Variants in VSIG10 observed in about 807,000 individuals in gnomAD.
VSIG10 encodes the protein V-set and immunoglobulin domain-containing protein 10.
VSIG10 carries 48 observed loss-of-function variants against 58.7 expected under a neutral mutation model. That is an observed-to-expected ratio of 0.82 (90% CI 0.65 to 1.04). VSIG10 has a LOEUF of 1.04. Ranked by LOEUF, VSIG10 falls within the 50% of genes least tolerant of loss-of-function variation. The probability of loss-of-function intolerance (pLI) is 0.00; values close to 1 mark genes in which losing one functional copy is unlikely to be tolerated. For synonymous variants in VSIG10, 260 were observed against 267.1 expected (o/e 0.97, Z 0.26); for missense variants, 628 against 670.0 (o/e 0.94, Z 0.69).
In VSIG10 at chr12:118,095,785, G is replaced by A. The variant is rs373107826; in HGVS notation, c.109C>T (p.His37Tyr). The A allele has an allele frequency of 5.1e-5, 83 of 1,611,680 alleles. No individual in the cohort carries two copies. The Middle Eastern group carries it at 8.3e-4, about 16-fold the overall frequency. ...CCACAGTGCAGAGTAACATTCTCAT[G>A]AACTTCTCCAATGACAACAGCCTCC... ...GLEAVVIGEVHENVTLHCGNI... is the reference protein window; with the variant it reads ...GLEAVVIGEVYENVTLHCGNI... Residue 37 changes from histidine to tyrosine, a missense_variant, in exon 2 of 9, where the codon CAT becomes TAT. Transcript: ENST00000359236.
chr12:118,096,020 G>A (rs933528326), intron 1 of VSIG10, among the ~76,000 whole-genome samples: 2 of 150,594 alleles, frequency 1.3e-5, no homozygotes, highest in Non-Finnish European at 3.0e-5. Context: ...CTGCCTCCCG[G>A]GTTCAAGCTA....
At chr12:118,075,350 TTC>T (rs1254786774) in intron 4 of VSIG10, among the ~76,000 whole-genome samples, 2 of 151,782 alleles carry the variant, frequency 1.3e-5, no homozygotes, top group Non-Finnish European at 2.9e-5. Context: ...CTCCAGAAAT[TTC>T]TTTTTTTCTT....
intron 4 of VSIG10, among the ~76,000 whole-genome samples, chr12:118,075,148 A>T (rs1056653101): frequency 8.6e-6 from 1 of 115,702 alleles, no homozygotes; most frequent in Non-Finnish European, 1.7e-5. Flanking sequence ...ATATATGTGT[A>T]TATGTATATA....
At position 118,071,367 on chromosome 12, in the gene VSIG10, C is replaced by T. The variant is rs750393978; in HGVS notation, c.1322G>A (p.Cys441Tyr). The T allele has an allele frequency of 6.2e-7, 1 of 1,613,770 alleles. No individual in the cohort carries two copies. The highest frequency in any genetic ancestry group is 8.5e-7 in the Non-Finnish European group (1 of 1,179,762). ...GLLLHYSPVFCWKVGNTSRGQ... is the reference protein window; with the variant it reads ...GLLLHYSPVFYWKVGNTSRGQ... ...ACCCAGGGAGTCCTTACCTTTCCAG[C>T]AGAACACAGGGCTATAATGCAACAG... The change falls in exon 6 of 9, where the codon TGC (cysteine) becomes TAC (tyrosine). Residue 441 changes from cysteine to tyrosine, a missense_variant. By Grantham distance (194) the Cys-to-Tyr change is radical. Coordinates refer to ENST00000359236, the MANE Select transcript of VSIG10 (RefSeq NM_019086.6).
Position 118,068,423 on chromosome 12 carries a change from C to T in VSIG10, c.1521G>A (p.Val507=). The T allele has an allele frequency of 1.2e-6, 2 of 1,613,838 alleles. No individual in the cohort carries two copies. Among genetic ancestry groups the T allele is most frequent in the Non-Finnish European group, 1.7e-6 (2 of 1,179,872 alleles). The change falls in exon 8 of 9, where the codon GTG becomes GTA. Residue 507 remains valine, a synonymous_variant. Coordinates refer to ENST00000359236, the MANE Select transcript of VSIG10 (RefSeq NM_019086.6). ...QDHIHRVTAL[V]NGNIEQMGNG... is the part of the protein sequence containing the mutation. ...TTCCCATCTGTTCTATGTTCCCATTCACCAAGGCGGTCACTCTGTGAATGT... is the reference window on the plus strand; with the variant it reads ...TTCCCATCTGTTCTATGTTCCCATTTACCAAGGCGGTCACTCTGTGAATGT...
At position 118,064,597 on chromosome 12, in the gene VSIG10, A is replaced by G. The variant is rs11550987; in HGVS notation, c.*2042T>C. The G allele has an allele frequency of 6.6e-6, 1 of 152,194 alleles. No individual in the cohort carries two copies. Among genetic ancestry groups the G allele is most frequent in the South Asian group, 2.1e-4 (1 of 4,834 alleles). The allele number at this position is 152,194 out of a possible 1,614,324, so 9.4% of individuals were successfully genotyped here. ...ACTTTAGAAGCAAGCTGAGTATCTC[A>G]TTCTAAAATGACACTGATTTACACT... On this transcript the variant is annotated 3_prime_UTR_variant, in exon 9 of 9. Transcript: ENST00000359236.
chr12:118,100,922 G>C (rs2033608195), intron 1 of VSIG10, among the ~76,000 whole-genome samples: 2 of 152,236 alleles, frequency 1.3e-5, no homozygotes, highest in South Asian at 4.1e-4. Context: ...AGTTACAGAT[G>C]CAACATGTGT....
intron 1 of VSIG10, among the ~76,000 whole-genome samples, chr12:118,097,285 G>C (rs1367152880): frequency 6.6e-6 from 1 of 152,154 alleles, no homozygotes; most frequent in African/African-American, 2.4e-5. Context: ...AGTCTTTAAA[G>C]TGTTTGTCTA....
chr12:118,090,911 G>A (rs545302134), intron 2 of VSIG10, among the ~76,000 whole-genome samples: 26 of 152,224 alleles, frequency 1.7e-4, no homozygotes, highest in Non-Finnish European at 2.6e-4. Flanking sequence ...AAGGCGGGTG[G>A]ATCACTTGTG....
chr12:118,088,150 CAGG>C (rs1009984607), intron 2 of VSIG10, among the ~76,000 whole-genome samples: 26 of 148,498 alleles, frequency 1.8e-4, no homozygotes, highest in Non-Finnish European at 7.4e-5. Context: ...GAACCTAAGG[CAGG>C]AGAATCACCT....
Position 118,071,373 on chromosome 12 carries a change from A to G in VSIG10, c.1316T>C (p.Val439Ala), listed in dbSNP as rs185041497. 18 of 1,613,844 alleles carry G rather than the reference A, an allele frequency of 1.1e-5. No individual in the cohort carries two copies. In the East Asian group the frequency reaches 3.6e-4, roughly 32 times the overall value. The change falls in exon 6 of 9, where the codon GTG becomes GCG. Residue 439 changes from valine to alanine, a missense_variant. Val to Ala is a moderately conservative substitution (Grantham distance 64, BLOSUM62 0). Coordinates refer to ENST00000359236, the MANE Select transcript of VSIG10 (RefSeq NM_019086.6). ...ISGLLLHYSP[V>A]FCWKVGNTSR... ...GGAGTCCTTACCTTTCCAGCAGAACACAGGGCTATAATGCAACAGAAGCCC... is the reference window on the plus strand; with the variant it reads ...GGAGTCCTTACCTTTCCAGCAGAACGCAGGGCTATAATGCAACAGAAGCCC...
At chr12:118,095,198 C>T (rs374694908) in intron 2 of VSIG10, among the ~76,000 whole-genome samples, 3 of 152,240 alleles carry the variant, frequency 2.0e-5, no homozygotes, top group African/African-American at 4.8e-5. Context: ...CCACCGCACC[C>T]GGCCGGCATT....
At position 118,082,378 on chromosome 12, in the gene VSIG10, T is replaced by G. The variant is rs369510432; in HGVS notation, c.413A>C (p.Asn138Thr). Residue 138 changes from asparagine (N) to threonine (T), a missense_variant, in exon 3 of 9, where the codon AAC (asparagine) becomes ACC (threonine). Coordinates refer to ENST00000359236, the MANE Select transcript of VSIG10 (RefSeq NM_019086.6). ...VHIVATGTLP[N>T]GTLYAARGSQ... ...GCCCCTGGCTGCGTAGAGGGTGCCG[T>G]TGGGGAGTGTGCCGGTGGCCACGAT... 10 of 1,613,552 alleles carry G rather than the reference T, an allele frequency of 6.2e-6. No individual in the cohort carries two copies. The highest frequency in any genetic ancestry group is 7.6e-6 in the Non-Finnish European group (9 of 1,179,734).
intron 7 of VSIG10, 107 bp from the exon 8 acceptor site, chr12:118,068,704 G>T: frequency 7.5e-7 from 1 of 1,331,600 alleles, no homozygotes; most frequent in Non-Finnish European, 1.0e-6. Flanking sequence ...TTAGTAATAT[G>T]GAAAATTACA....
chr12:118,072,101 G>A (rs1164301512), intron 5 of VSIG10, among the ~76,000 whole-genome samples: 5 of 152,018 alleles, frequency 3.3e-5, no homozygotes, highest in South Asian at 4.1e-4. Flanking sequence ...CCCGGGAGGC[G>A]GGGGTTGCGG....
rs772471005 is a variant in VSIG10 at position 118,079,633 on chromosome 12, G to A, written c.665-27C>T. 1.9e-5 allele frequency: 31 copies of A among 1,611,550 alleles called. No homozygotes were observed. The South Asian group carries it at 3.1e-4, about 16-fold the overall frequency. Reference sequence around the variant, plus strand: ...TGCAAAACACCAGAGGAAAGCATGGGCTGAATCACAGACTCTAGGATCAGC... The same window carrying A: ...TGCAAAACACCAGAGGAAAGCATGGACTGAATCACAGACTCTAGGATCAGC... On this transcript the variant is annotated intron_variant, in intron 3 of 8. Coordinates refer to ENST00000359236, the MANE Select transcript of VSIG10 (RefSeq NM_019086.6).
At chr12:118,098,017 G>C (rs188662465) in intron 1 of VSIG10, among the ~76,000 whole-genome samples, 2 of 152,220 alleles carry the variant, frequency 1.3e-5, no homozygotes, top group East Asian at 1.9e-4. Context: ...GCTAGTCATC[G>C]ATCCCCAGGC....
Position 118,063,774 on chromosome 12 carries a change from T to G in VSIG10, c.*2865A>C, listed in dbSNP as rs1482161535. On this transcript the variant is annotated 3_prime_UTR_variant, in exon 9 of 9. Coordinates refer to ENST00000359236, the MANE Select transcript of VSIG10 (RefSeq NM_019086.6). ...CGTGAGAAATATCAGTTGGCACTTA[T>G]TGCATCATAATACATTTTGCCTAGT... 6.6e-6 allele frequency: 1 copy of G among 152,236 alleles called. No homozygotes were observed. Among genetic ancestry groups the G allele is most frequent in the Non-Finnish European group, 1.5e-5 (1 of 68,050 alleles). The allele number at this position is 152,236 out of a possible 1,614,324, so 9.4% of individuals were successfully genotyped here. A position where few individuals can be genotyped will look rare whatever the true frequency, so the allele number is the denominator to read the frequency against.
At chr12:118,098,852 G>A (rs2033545748) in intron 1 of VSIG10, among the ~76,000 whole-genome samples, 1 of 150,354 alleles carries the variant, frequency 6.7e-6, no homozygotes, top group Non-Finnish European at 1.5e-5. Flanking sequence ...GAGAGCAGCA[G>A]CCCTTTGTGT....
Sources: allele counts gnomAD v4.1 joint callset (sites outside exome capture counted in the v4.1 genomes callset), GRCh38; gene constraint gnomAD v4.1.1; transcripts MANE v1.5; gene names NCBI Gene and HGNC (gene_info 2026-07-23, HGNC 2026-07-21).